The following ABI3BP variants were observed in gnomAD, a reference collection of about 807,000 sequenced individuals.
ABI3BP encodes the protein ABI family member 3 binding protein, also known as target of Nesh-SH3.
Under a neutral mutation model 268.6 loss-of-function variants are expected in ABI3BP, and 216 were observed. The observed-to-expected ratio is 0.80, with a 90% CI of 0.72 to 0.90. The LOEUF is 0.90. Ranked by LOEUF, ABI3BP falls within the 40% of genes least tolerant of loss-of-function variation. The probability of loss-of-function intolerance (pLI) is 0.00; values close to 1 mark genes in which losing one functional copy is unlikely to be tolerated. For missense variants in ABI3BP, 2,090 were observed against 2,182.4 expected, an observed-to-expected ratio of 0.96 and a Z score of 0.84; for synonymous variants, 730 against 730.0, an observed-to-expected ratio of 1.00 and a Z score of 0.00.
intron 2 of ABI3BP, among the ~76,000 whole-genome samples, chr3:100,913,365 A>G (rs971369539): frequency 6.6e-6 from 1 of 152,230 alleles, no homozygotes; most frequent in Non-Finnish European, 1.5e-5. Context: ...CTGCCCATCC[A>G]TGATAATTAA....
chr3:100,951,355 A>G (rs1001578958), intron 1 of ABI3BP, among the ~76,000 whole-genome samples: 2 of 151,746 alleles, frequency 1.3e-5, no homozygotes, highest in African/African-American at 4.9e-5. Context: ...CCTTACTTCT[A>G]TTCCTCCTCT....
chr3:100,988,477 C>G (rs371198755), intron 1 of ABI3BP, among the ~76,000 whole-genome samples: 1 of 152,204 alleles, frequency 6.6e-6, no homozygotes, highest in Admixed American at 6.5e-5. Context: ...GGGCTCTGGG[C>G]CAGCAGCTAC....
At chr3:100,864,579 A>T (rs922189968) in intron 11 of ABI3BP, 4 of 462,228 alleles carry the variant, frequency 8.7e-6, no homozygotes, top group Non-Finnish European at 1.5e-5. Context: ...GAGACTGGTT[A>T]AAAAGGGCAT....
In ABI3BP at chr3:100,775,752, C is replaced by A. The variant is rs72930661; in HGVS notation, c.4334-417G>T. On this transcript the variant is annotated intron_variant, in intron 59 of 67. Coordinates refer to ENST00000471714, the MANE Select transcript of ABI3BP (RefSeq NM_001375547.2). ...AACATGTCAGGGAAGCATGCAACAGCCTGGTGTGTTTAACTTGAAGGGGTA... is the reference window on the plus strand; with the variant it reads ...AACATGTCAGGGAAGCATGCAACAGACTGGTGTGTTTAACTTGAAGGGGTA... 8.5e-3 allele frequency among the ~76,000 whole-genome samples: 1,296 copies of A among 152,104 alleles called. 15 individuals carry two copies. The highest frequency in any genetic ancestry group is 0.019 in the African/African-American group (773 of 41,486).
chr3:100,768,244 A>T (rs2096390620), intron 62 of ABI3BP, among the ~76,000 whole-genome samples: 2 of 151,824 alleles, frequency 1.3e-5, no homozygotes, highest in Admixed American at 1.3e-4. Context: ...GCCCGCCACC[A>T]CACCCGGCTA....
chr3:100,957,299 T>C (rs1296861949), intron 1 of ABI3BP, among the ~76,000 whole-genome samples: 1 of 152,178 alleles, frequency 6.6e-6, no homozygotes, highest in East Asian at 1.9e-4. Flanking sequence ...TCCAGTTTTA[T>C]TGACTCAAGT....
intron 55 of ABI3BP, among the ~76,000 whole-genome samples, chr3:100,791,981 T>C (rs2097207972): frequency 6.6e-6 from 1 of 151,850 alleles, no homozygotes; most frequent in Non-Finnish European, 1.5e-5. Context: ...GGTCTTATTT[T>C]TGGCTTTCTA....
chr3:100,753,241 T>C (rs887555880), intron 65 of ABI3BP, among the ~76,000 whole-genome samples: 1 of 152,124 alleles, frequency 6.6e-6, no homozygotes, highest in Non-Finnish European at 1.5e-5. Context: ...TAGCATGTTA[T>C]AAAGTTTAGA....
At chr3:100,840,998 G>A (rs1346161677) in intron 21 of ABI3BP, 140 bp from the exon 22 acceptor site, 3 of 666,474 alleles carry the variant, frequency 4.5e-6, no homozygotes, top group Non-Finnish European at 7.2e-6. Context: ...CACATGCAAA[G>A]TTTCTTTTCT....
chr3:100,894,788 A>C lies in ABI3BP; in HGVS notation c.461+3974T>G, dbSNP rs144732685. Among the ~76,000 whole-genome samples, 159 of 151,754 alleles carry C rather than the reference A, an allele frequency of 1.0e-3. 1 individual carries two copies. The highest frequency in any genetic ancestry group is 3.6e-3 in the African/African-American group (151 of 41,394). ...CCCCACCTGTACTAAAAATACAAAA[A>C]ATTAGCTAGGCATGGTGGCCGGTGC... On this transcript the variant is annotated intron_variant, in intron 4 of 67. Transcript: ENST00000471714.
At chr3:100,792,862 T>C in intron 54 of ABI3BP, 94 bp from the exon 55 acceptor site, 1 of 1,035,436 alleles carries the variant, frequency 9.7e-7, no homozygotes, top group Non-Finnish European at 1.5e-6. Context: ...CATGCAATAA[T>C]AAAAGGATAA....
intron 63 of ABI3BP, among the ~76,000 whole-genome samples, chr3:100,758,633 A>G (rs2149448612): frequency 6.6e-6 from 1 of 152,354 alleles, no homozygotes; most frequent in South Asian, 2.1e-4. Context: ...CCACAGGCTA[A>G]GAAAAAAATG....
At chr3:100,963,943 T>A (rs2080215798) in intron 1 of ABI3BP, among the ~76,000 whole-genome samples, 1 of 152,248 alleles carries the variant, frequency 6.6e-6, no homozygotes, top group Non-Finnish European at 1.5e-5. Flanking sequence ...TAGAGATGGT[T>A]TCTCTGTTTT....
At chr3:100,766,394 G>T (rs2096271422) in intron 62 of ABI3BP, among the ~76,000 whole-genome samples, 1 of 152,186 alleles carries the variant, frequency 6.6e-6, no homozygotes. Flanking sequence ...AAGGCTACTG[G>T]ATACCTGGTA....
chr3:100,922,542 G>GATGGT (rs1448203199), intron 2 of ABI3BP, among the ~76,000 whole-genome samples: 3 of 151,632 alleles, frequency 2.0e-5, no homozygotes, highest in Non-Finnish European at 4.4e-5. Flanking sequence ...TGGTGATGGT[G>GATGGT]ATGGTGATGG....
rs756604795 is a variant in ABI3BP at position 100,874,821 on chromosome 3, T to C, written c.910+20A>G. 10 of 1,493,418 alleles carry C rather than the reference T, an allele frequency of 6.7e-6. No homozygotes were observed. In the Admixed American group the frequency reaches 1.7e-4, roughly 25 times the overall value. 92.5% of individuals were successfully genotyped at this position (1,493,418 alleles called of 1,614,324 possible). ...GTACTCAGTTACTGCAAAGTTCAAA[T>C]ACAAAACTTTTCTGCTTACCTAATT... On this transcript the variant is annotated intron_variant, in intron 9 of 67. Coordinates refer to ENST00000471714, the MANE Select transcript of ABI3BP (RefSeq NM_001375547.2).
intron 45 of ABI3BP, among the ~76,000 whole-genome samples, chr3:100,813,324 C>A (rs1485537252): frequency 6.6e-6 from 1 of 151,982 alleles, no homozygotes; most frequent in Non-Finnish European, 1.5e-5. Context: ...ATTTAATTTA[C>A]TATTAAAGAG....
chr3:100,813,400 T>G (rs1158126277), intron 45 of ABI3BP, among the ~76,000 whole-genome samples: 4 of 152,160 alleles, frequency 2.6e-5, no homozygotes, highest in African/African-American at 9.7e-5. Context: ...CTAAGTGGTT[T>G]GTCAACCACT....
intron 1 of ABI3BP, among the ~76,000 whole-genome samples, chr3:100,942,309 T>C (rs561208450): frequency 3.3e-5 from 5 of 152,212 alleles, no homozygotes; most frequent in African/African-American, 9.6e-5. Flanking sequence ...AGAAAGAATA[T>C]ATATAGAAAA....
Sources: gnomAD v4.1 joint callset for allele counts (sites outside exome capture counted in the v4.1 genomes callset) on GRCh38, gnomAD v4.1.1 for gene constraint, MANE v1.5 for transcripts, NCBI Gene and HGNC (gene_info 2026-07-23, HGNC 2026-07-21) for gene names.